Variants in FMN1 observed in about 807,000 individuals in gnomAD.
The protein encoded by FMN1 is formin 1.
In FMN1, 110 loss-of-function variants were observed where a neutral mutation model predicts 132.4. That is an observed-to-expected ratio of 0.83 (90% CI 0.71 to 0.97). The LOEUF is 0.97. Ranked by LOEUF, FMN1 falls within the 50% of genes least tolerant of loss-of-function variation. The pLI is 0.00. For synonymous variants in FMN1, 722 were observed against 651.7 expected (o/e 1.11, Z -1.64); for missense variants, 1,792 against 1,705.3 (o/e 1.05, Z -0.90).
chr15:32,966,691 C>T (rs2031267750), intron 8 of FMN1, among the ~76,000 whole-genome samples: 1 of 152,170 alleles, frequency 6.6e-6, no homozygotes, highest in African/African-American at 2.4e-5. Flanking sequence ...AGGCAGTGTA[C>T]ACATAATGCT....
intron 6 of FMN1, among the ~76,000 whole-genome samples, chr15:33,016,661 G>A (rs2035064038): frequency 6.6e-6 from 1 of 152,196 alleles, no homozygotes; most frequent in East Asian, 1.9e-4. Flanking sequence ...AACACCTTTT[G>A]TCAGCGGGCC....
rs138436285 is a variant in FMN1 at position 33,011,934 on chromosome 15, C to T, written c.2162-3859G>A. Among the ~76,000 whole-genome samples the T allele has an allele frequency of 4.4e-3, 677 of 152,326 alleles. 6 individuals are homozygous for T. Among genetic ancestry groups the T allele is most frequent in the African/African-American group, 0.016 (651 of 41,582 alleles). ...TGGAAACTTCCATACACTTCACTTA[C>T]AGCAGGAGTGCAAACTGGTATAATC... On this transcript the variant is annotated intron_variant, in intron 6 of 20. Transcript: ENST00000616417.
chr15:33,138,806 A>G (rs1963881392), intron 4 of FMN1, among the ~76,000 whole-genome samples: 1 of 152,190 alleles, frequency 6.6e-6, no homozygotes, highest in Non-Finnish European at 1.5e-5. Context: ...AGAGGAAAAC[A>G]AAGGGTTCAG....
chr15:32,921,777 C>A (rs944705751), intron 10 of FMN1, among the ~76,000 whole-genome samples: 3 of 150,598 alleles, frequency 2.0e-5, no homozygotes, highest in African/African-American at 4.9e-5. Flanking sequence ...TCAAGCAATT[C>A]TCCCACCTCA....
intron 4 of FMN1, among the ~76,000 whole-genome samples, chr15:33,095,472 T>C (rs1293751988): frequency 1.3e-5 from 2 of 152,206 alleles, no homozygotes; most frequent in Non-Finnish European, 1.5e-5. Flanking sequence ...TACAACTCAC[T>C]GTAGCCTTGG....
chr15:32,845,831 C>T (rs1019611729), intron 17 of FMN1, among the ~76,000 whole-genome samples: 3 of 152,042 alleles, frequency 2.0e-5, no homozygotes, highest in African/African-American at 7.3e-5. Flanking sequence ...AATAAGAATG[C>T]CTTAAATGTA....
Position 33,064,916 on chromosome 15 carries a change from A to T in FMN1, c.2161+41T>A, listed in dbSNP as rs754662360. On this transcript the variant is annotated intron_variant, in intron 6 of 20. Transcript: ENST00000616417. ...AGCTAGAACTAAAAGCCATTGCAGG[A>T]AGAGATTCATTCCCGGGTCCCTAGC... 4 of 1,387,110 alleles carry T rather than the reference A, an allele frequency of 2.9e-6. No individual in the cohort carries two copies. In the South Asian group the frequency reaches 3.6e-5, roughly 13 times the overall value. The allele number at this position is 1,387,110 out of a possible 1,614,324, so 85.9% of individuals were successfully genotyped here.
At chr15:33,007,699 A>G (rs371473052) in intron 7 of FMN1, among the ~76,000 whole-genome samples, 7 of 151,498 alleles carry the variant, frequency 4.6e-5, no homozygotes, top group African/African-American at 1.7e-4. Flanking sequence ...TCGTACCTAG[A>G]AAAAAAAACT....
intron 17 of FMN1, among the ~76,000 whole-genome samples, chr15:32,806,268 T>A (rs1262145040): frequency 6.6e-6 from 1 of 152,202 alleles, no homozygotes; most frequent in African/African-American, 2.4e-5. Context: ...CACCCTTTTA[T>A]TAAACCTGGC....
At chr15:33,160,456 T>C (rs1235200611) in intron 3 of FMN1, among the ~76,000 whole-genome samples, 2 of 152,204 alleles carry the variant, frequency 1.3e-5, no homozygotes. Flanking sequence ...GGGCAAACTC[T>C]TCTCTGTGAC....
At chr15:33,169,449 C>T (rs907759336) in intron 3 of FMN1, among the ~76,000 whole-genome samples, 5 of 152,116 alleles carry the variant, frequency 3.3e-5, no homozygotes, top group African/African-American at 7.2e-5. Context: ...AATAAATATA[C>T]GCAATAAAAA....
At chr15:33,126,363 A>G in intron 4 of FMN1, among the ~76,000 whole-genome samples, 1 of 152,222 alleles carries the variant, frequency 6.6e-6, no homozygotes, top group East Asian at 1.9e-4. Context: ...CAGGCAGTCC[A>G]GCAGAGCAGC....
intron 4 of FMN1, among the ~76,000 whole-genome samples, chr15:33,128,349 TGAC>T (rs1053886274): frequency 5.3e-5 from 8 of 152,182 alleles, no homozygotes; most frequent in African/African-American, 1.9e-4. Flanking sequence ...GCCTGATCCT[TGAC>T]GATCTCAAGG....
intron 6 of FMN1, among the ~76,000 whole-genome samples, chr15:33,030,839 ATACTT>A (rs2035902780): frequency 6.6e-6 from 1 of 152,186 alleles, no homozygotes; most frequent in African/African-American, 2.4e-5. Flanking sequence ...TTTTATTAAT[ATACTT>A]TAAGTTCTGG....
rs1261523423 is a variant in FMN1, at chr15:33,153,543, T to C, written c.1372A>G (p.Arg458Gly). 16 of 1,536,238 alleles carry C rather than the reference T, an allele frequency of 1.0e-5. No homozygotes were observed. The highest frequency in any genetic ancestry group is 1.4e-5 in the Non-Finnish European group (16 of 1,146,936). Residue 458 changes from arginine (R) to glycine (G), a missense_variant, in exon 4 of 21, where the codon AGG (arginine) becomes GGG (glycine). By Grantham distance (125) the Arg-to-Gly change is moderately radical. This residue lies in a region of FMN1 where 638 missense variants were observed against 645.2 expected (regional missense o/e 0.99). Transcript: ENST00000616417. ...CCACCAAGGGGCAACCCGGCTCTCCTCTTGTTTCTCGTTTCTGGGCGAGTG... is the reference window on the plus strand; with the variant it reads ...CCACCAAGGGGCAACCCGGCTCTCCCCTTGTTTCTCGTTTCTGGGCGAGTG... Reference protein sequence around the residue: ...PHTRPETRNKRRAGLPLGGHK... With the variant: ...PHTRPETRNKGRAGLPLGGHK...
intron 16 of FMN1, among the ~76,000 whole-genome samples, chr15:32,868,402 C>T (rs897439860): frequency 6.6e-6 from 1 of 152,070 alleles, no homozygotes. Context: ...GAAACCTGTG[C>T]AGATTTGTAG....
chr15:32,979,565 A>AG (rs1274542510), intron 7 of FMN1, among the ~76,000 whole-genome samples: 10 of 151,246 alleles, frequency 6.6e-5, no homozygotes, highest in African/African-American at 9.7e-5. Context: ...CAAAAAAAAA[A>AG]AAAAAAAAAA....
chr15:33,102,385 T>C (rs1184886378), intron 4 of FMN1, among the ~76,000 whole-genome samples: 1 of 152,146 alleles, frequency 6.6e-6, no homozygotes, highest in Non-Finnish European at 1.5e-5. Context: ...AAAAGTTTTC[T>C]TTCAAACTCC....
In FMN1 at chr15:33,154,414, C is replaced by T. The variant is rs1203090628; in HGVS notation, c.501G>A (p.Glu167=). ...KKPRRSSGRR[E]SFGALPQKRT... ...TCTTCTGTGGAAGGGCCCCAAAGCT[C>T]TCTCTCCTTCCACTAGACCTCCGAG... Residue 167 remains glutamate, a synonymous_variant, in exon 4 of 21, where the codon GAG becomes GAA. Transcript: ENST00000616417. 1.2e-5 allele frequency: 19 copies of T among 1,536,036 alleles called. No individual in the cohort carries two copies. The highest frequency in any genetic ancestry group is 1.5e-5 in the Non-Finnish European group (17 of 1,146,930).
Sources: gnomAD v4.1 joint callset for allele counts (sites outside exome capture counted in the v4.1 genomes callset) on GRCh38, gnomAD v4.1.1 for gene constraint, gnomAD v4.1.1 regional missense constraint, MANE v1.5 for transcripts, NCBI Gene and HGNC (gene_info 2026-07-23, HGNC 2026-07-21) for gene names.